DNPEP: variants seen among roughly 807,000 people sequenced by gnomAD.
DNPEP encodes aspartyl aminopeptidase.
DNPEP carries 46 observed loss-of-function variants against 59.1 expected under a neutral mutation model. That is an observed-to-expected ratio of 0.78 (90% CI 0.61 to 0.99). DNPEP has a LOEUF of 0.99. Ranked by LOEUF, DNPEP falls within the 50% of genes least tolerant of loss-of-function variation. DNPEP has a pLI of 0.00. For synonymous variants in DNPEP, 229 were observed against 242.2 expected, an observed-to-expected ratio of 0.95 and a Z score of 0.50; for missense variants, 617 against 649.9, an observed-to-expected ratio of 0.95 and a Z score of 0.55.
At chr2:219,377,347 T>C (rs961926432) in intron 13 of DNPEP, among the ~76,000 whole-genome samples, 1 of 140,114 alleles carries the variant, frequency 7.1e-6, no homozygotes, top group Non-Finnish European at 1.5e-5. Context: ...TTCCAGTTGA[T>C]AGGAAATACG....
At chr2:219,385,554 G>C in intron 7 of DNPEP, 23 bp from the exon 8 acceptor site, 2 of 1,607,856 alleles carry the variant, frequency 1.2e-6, no homozygotes, top group Non-Finnish European at 1.7e-6. Flanking sequence ...AAGATGCTGG[G>C]AAGAGTCCAT....
chr2:219,375,015 A>G lies in DNPEP; in HGVS notation c.1247T>C (p.Met416Thr), dbSNP rs763926345. The G allele has an allele frequency of 1.2e-6, 2 of 1,613,960 alleles. No homozygotes were observed. The highest frequency in any genetic ancestry group is 2.7e-5 in the African/African-American group (2 of 74,908). The change falls in exon 14 of 15, where the codon ATG becomes ACG. Residue 416 changes from methionine (M) to threonine (T), a missense_variant. By Grantham distance (81) the Met-to-Thr change is moderately conservative. Transcript: ENST00000273075. ...NKVKVPLQDL[M>T]VRNDTPCGTT... ...TCCACAGGGGGTGTCATTCCGGACC[A>G]TGAGATCCTAGGGAGAGCAGGAGAC...
chr2:219,378,747 C>T (rs1480794228), intron 13 of DNPEP, among the ~76,000 whole-genome samples: 3 of 151,292 alleles, frequency 2.0e-5, no homozygotes, highest in African/African-American at 4.9e-5. Context: ...ACAGCTGTTG[C>T]GATGTTGTGG....
rs1953876902 is a variant in DNPEP, at chr2:219,387,090, C to A, written c.110G>T (p.Arg37Leu). Residue 37 changes from arginine to leucine, a missense_variant, in exon 2 of 15, where the codon CGG becomes CTG. Transcript: ENST00000273075. ...AAKELLKFVN[R>L]SPSPFHAVAE... ...CTTACCATGGAAAGGAGAGGGACTC[C>A]GGTTCACGAACTTGAGGAGTTCCTT... is the stretch of plus-strand genomic sequence containing the variant. 1 of 1,596,186 alleles carries A rather than the reference C, an allele frequency of 6.3e-7. No individual in the cohort carries two copies. The highest frequency in any genetic ancestry group is 1.1e-5 in the South Asian group (1 of 89,210).
intron 1 of DNPEP, among the ~76,000 whole-genome samples, chr2:219,394,992 G>A (rs933699106): frequency 1.3e-5 from 2 of 151,490 alleles, no homozygotes; most frequent in African/African-American, 4.9e-5. Flanking sequence ...GTCTCACTCT[G>A]TTGCCCAGGC....
At position 219,375,113 on chromosome 2, in the gene DNPEP, G is replaced by T; in HGVS notation, c.1240-91C>A. 4.3e-6 allele frequency: 6 copies of T among 1,387,848 alleles called. No homozygotes were observed. In the Middle Eastern group the frequency reaches 7.4e-4, roughly 171 times the overall value. The allele number at this position is 1,387,848 out of a possible 1,614,324, so 86.0% of individuals were successfully genotyped here. A position where few individuals can be genotyped will look rare whatever the true frequency, so the allele number is the denominator to read the frequency against. On this transcript the variant is annotated intron_variant, in intron 13 of 14. Transcript: ENST00000273075. Reference sequence around the variant, plus strand: ...ATCTTAGAATTGCAGGGTGGGAAGGGGCCTGGGAGATGGTCCATTCGGAGC... The same window carrying T: ...ATCTTAGAATTGCAGGGTGGGAAGGTGCCTGGGAGATGGTCCATTCGGAGC...
rs1364956131 is a variant in DNPEP at position 219,382,003 on chromosome 2, G to A, written c.1073C>T (p.Ala358Val). 1 of 1,614,222 alleles carries A rather than the reference G, an allele frequency of 6.2e-7. No homozygotes were observed. Among genetic ancestry groups the A allele is most frequent in the Admixed American group, 1.7e-5 (1 of 60,030 alleles). ...PKSFMISADM[A>V]HAVHPNYLDK... ...CAGGTAGTTGGGATGCACAGCATGG[G>A]CCATGTCTGCGCTGATCATGAAGGA... Residue 358 changes from alanine to valine, a missense_variant, in exon 11 of 15, where the codon GCC becomes GTC. Physicochemically the swap from Ala to Val is moderately conservative, Grantham distance 64. Coordinates refer to ENST00000273075, the MANE Select transcript of DNPEP (RefSeq NM_012100.4).
intron 9 of DNPEP, 25 bp downstream of exon 9, chr2:219,384,341 T>G (rs1266083715): frequency 6.3e-7 from 1 of 1,595,066 alleles, no homozygotes; most frequent in African/African-American, 1.3e-5. Flanking sequence ...GGTTATGTGC[T>G]GCCTGGGGCG....
chr2:219,389,832 C>CAATAAATAAATAAATAAATAAATAAATA (rs6147178), upstream of DNPEP, among the ~76,000 whole-genome samples: 14,666 of 142,702 alleles, frequency 0.1, 1,018 homozygotes, highest in East Asian at 0.26. Flanking sequence ...GATTCTGTCT[C>CAATAAATAAATAAATAAATAAATAAATA]AATAAATAAA....
chr2:219,390,281 T>G (rs989652019), upstream of DNPEP, among the ~76,000 whole-genome samples: 1 of 152,240 alleles, frequency 6.6e-6, no homozygotes, highest in Non-Finnish European at 1.5e-5. Flanking sequence ...GGTCATTATT[T>G]ATAGATTATA....
At chr2:219,389,848 A>AAATAAATAAATAAATAAAT (rs1418783507), upstream of DNPEP, among the ~76,000 whole-genome samples, 144 of 150,776 alleles carry the variant, frequency 9.6e-4, no homozygotes, top group Non-Finnish European at 1.5e-3. Flanking sequence ...ATAAATAAAT[A>AAATAAATAAATAAATAAAT]AAATTATGTA....
intron 13 of DNPEP, among the ~76,000 whole-genome samples, chr2:219,375,373 T>C (rs1404379471): frequency 2.0e-5 from 3 of 152,104 alleles, no homozygotes; most frequent in Non-Finnish European, 4.4e-5. Flanking sequence ...CATTTTGAAA[T>C]GATTTTCTTT....
At chr2:219,381,826 G>T (rs1953615509) in intron 11 of DNPEP, 153 bp downstream of exon 11, 4 of 971,842 alleles carry the variant, frequency 4.1e-6, no homozygotes, top group Non-Finnish European at 6.2e-6. Context: ...GACCAAGTTG[G>T]TCTCGCAGTA....
At chr2:219,392,401 C>T (rs1954032638), upstream of DNPEP, among the ~76,000 whole-genome samples, 1 of 150,906 alleles carries the variant, frequency 6.6e-6, no homozygotes, top group Admixed American at 6.6e-5. Context: ...AGCTAGAGGG[C>T]AGTGGCAACC....
At chr2:219,387,714 C>T in intron 1 of DNPEP, 45 bp downstream of exon 1, 2 of 1,606,938 alleles carry the variant, frequency 1.2e-6, no homozygotes, top group African/African-American at 1.3e-5. Context: ...GCGCCGGACC[C>T]GGTCTGGGAT....
At chr2:219,375,274 T>C (rs1229618078) in intron 13 of DNPEP, among the ~76,000 whole-genome samples, 1 of 152,174 alleles carries the variant, frequency 6.6e-6, no homozygotes, top group Non-Finnish European at 1.5e-5. Context: ...TTTAAAAGTA[T>C]CCATCCTTGT....
intron 1 of DNPEP, chr2:219,399,434 C>T (rs1186788851): frequency 2.2e-6 from 1 of 459,008 alleles, no homozygotes; most frequent in Admixed American, 2.3e-5. Context: ...TTCATGAGCC[C>T]CATACCTGAA....
At position 219,374,154 on chromosome 2, in the gene DNPEP, T is replaced by A; in HGVS notation, c.*138A>T. On this transcript the variant is annotated 3_prime_UTR_variant, in exon 15 of 15. Transcript: ENST00000273075. The stretch of plus-strand genomic sequence containing the variant: ...TCCAAAGGTTCAAGCCAGGCTCAAC[T>A]CCCACTCCTCTAGTCTCCAAATAAG... The A allele has an allele frequency of 1.2e-6, 1 of 854,578 alleles. No individual in the cohort carries two copies. Among genetic ancestry groups the A allele is most frequent in the East Asian group, 2.5e-5 (1 of 39,648 alleles). The allele number at this position is 854,578 out of a possible 1,614,324, so 52.9% of individuals were successfully genotyped here.
chr2:219,376,502 A>G (rs1421123462), intron 13 of DNPEP, among the ~76,000 whole-genome samples: 1 of 151,984 alleles, frequency 6.6e-6, no homozygotes, highest in Non-Finnish European at 1.5e-5. Flanking sequence ...AAAAAAAAGA[A>G]AAAGAAAAAA....
Sources: gnomAD v4.1 joint callset for allele counts (sites outside exome capture counted in the v4.1 genomes callset) on GRCh38, gnomAD v4.1.1 for gene constraint, MANE v1.5 for transcripts, NCBI Gene and HGNC (gene_info 2026-07-23, HGNC 2026-07-21) for gene names.